Variants in PTPRR observed in about 807,000 individuals in gnomAD.
PTPRR encodes the protein protein tyrosine phosphatase receptor type R.
Under a neutral mutation model 77.2 loss-of-function variants are expected in PTPRR, and 38 were observed. That is an observed-to-expected ratio of 0.49 (90% CI 0.38 to 0.65). The LOEUF (loss-of-function observed/expected upper bound fraction) is 0.65. Among genes scored for constraint, PTPRR ranks in the 30% least tolerant of loss-of-function variants. The pLI, the probability that PTPRR is intolerant of heterozygous loss-of-function variation, is 0.00. For synonymous variants in PTPRR, 299 were observed against 283.1 expected (o/e 1.06, Z -0.57); for missense variants, 744 against 799.2 (o/e 0.93, Z 0.83).
intron 2 of PTPRR, among the ~76,000 whole-genome samples, chr12:70,812,648 G>T (rs572049632): frequency 3.6e-4 from 55 of 152,228 alleles, no homozygotes; most frequent in African/African-American, 1.3e-3. Flanking sequence ...TTTTCCCTTG[G>T]CAATCTGTCA....
At chr12:70,680,049 C>T (rs77296996) in intron 10 of PTPRR, among the ~76,000 whole-genome samples, 2 of 151,962 alleles carry the variant, frequency 1.3e-5, no homozygotes, top group Non-Finnish European at 2.9e-5. Context: ...ATTTGTGTAT[C>T]TGCTGTAATT....
intron 2 of PTPRR, among the ~76,000 whole-genome samples, chr12:70,887,769 A>T (rs1592815955): frequency 1.3e-5 from 2 of 151,958 alleles, no homozygotes; most frequent in South Asian, 4.2e-4. Flanking sequence ...GAGTGGTAGG[A>T]GATGGACTCA....
chr12:70,897,364 C>G (rs1188509202), intron 1 of PTPRR, among the ~76,000 whole-genome samples: 4 of 151,928 alleles, frequency 2.6e-5, no homozygotes, highest in African/African-American at 7.3e-5. Flanking sequence ...AGACACTTCT[C>G]AAAAGAAGAC....
At chr12:70,666,888 T>G (rs943943338) in intron 10 of PTPRR, among the ~76,000 whole-genome samples, 1 of 149,822 alleles carries the variant, frequency 6.7e-6, no homozygotes, top group African/African-American at 2.5e-5. Flanking sequence ...AAATACTTTT[T>G]TTATGATTCT....
At chr12:70,723,989 A>C (rs1889348789) in intron 6 of PTPRR, among the ~76,000 whole-genome samples, 1 of 152,248 alleles carries the variant, frequency 6.6e-6, no homozygotes. Context: ...AAACACACAA[A>C]AAAAGATACA....
chr12:70,647,004 T>C (rs950856088), intron 13 of PTPRR, among the ~76,000 whole-genome samples: 10 of 152,000 alleles, frequency 6.6e-5, no homozygotes, highest in African/African-American at 2.2e-4. Flanking sequence ...ATTTAAACAA[T>C]GATATGATGC....
chr12:70,744,734 T>C (rs1335801111), intron 6 of PTPRR, among the ~76,000 whole-genome samples: 2 of 152,160 alleles, frequency 1.3e-5, no homozygotes, highest in East Asian at 3.9e-4. Context: ...CAACAAAATA[T>C]ATGGGGTTAG....
chr12:70,768,253 T>C (rs1890877409), intron 2 of PTPRR, among the ~76,000 whole-genome samples: 1 of 152,052 alleles, frequency 6.6e-6, no homozygotes. Context: ...ATCAACAAAA[T>C]TGATAGACTG....
At chr12:70,892,625 A>C in intron 2 of PTPRR, 54 bp downstream of exon 2, 1 of 1,582,620 alleles carries the variant, frequency 6.3e-7, no homozygotes, top group Non-Finnish European at 8.6e-7. Context: ...TTCAAGCATC[A>C]ATGACAGGAA....
chr12:70,763,726 C>T lies in PTPRR; in HGVS notation c.471+939G>A, dbSNP rs184504922. On this transcript the variant is annotated intron_variant, in intron 3 of 13. Transcript: ENST00000283228. The stretch of plus-strand genomic sequence containing the variant: ...AACATGGAGTCCTTGCTTAGACTCC[C>T]ATTGCAGTGGACATTAAGAGCAATT... Among the ~76,000 whole-genome samples the T allele has an allele frequency of 1.9e-3, 297 of 152,310 alleles. 1 individual carries two copies. Among genetic ancestry groups the T allele is most frequent in the African/African-American group, 6.5e-3 (271 of 41,588 alleles).
chr12:70,828,257 A>G (rs186702948), intron 2 of PTPRR, among the ~76,000 whole-genome samples: 194 of 152,314 alleles, frequency 1.3e-3, no homozygotes, highest in Non-Finnish European at 2.0e-3. Flanking sequence ...ATTTGTCTCC[A>G]CATTCCTTTT....
rs574081747 is a variant in PTPRR, at chr12:70,812,480, A to T, written c.358-47702T>A. On this transcript the variant is annotated intron_variant, in intron 2 of 13. Transcript: ENST00000283228. Reference sequence around the variant, plus strand: ...AAAATCCACATGCCCACTCCATTTAATTCCTCAAGGAATAGGTTTATTTTC... The same window carrying T: ...AAAATCCACATGCCCACTCCATTTATTTCCTCAAGGAATAGGTTTATTTTC... Among the ~76,000 whole-genome samples the T allele has an allele frequency of 1.5e-3, 236 of 152,326 alleles. 1 individual carries two copies. Among genetic ancestry groups the T allele is most frequent in the African/African-American group, 5.5e-3 (230 of 41,570 alleles).
chr12:70,650,043 A>T (rs1886337859), intron 13 of PTPRR, among the ~76,000 whole-genome samples: 1 of 152,352 alleles, frequency 6.6e-6, no homozygotes, highest in East Asian at 1.9e-4. Context: ...AATAAATGTG[A>T]AAGAGTGCTT....
At chr12:70,655,188 C>T (rs1886532635) in intron 13 of PTPRR, among the ~76,000 whole-genome samples, 3 of 152,182 alleles carry the variant, frequency 2.0e-5, no homozygotes, top group African/African-American at 4.8e-5. Context: ...AAAAATGACT[C>T]TTCCATCTCA....
At chr12:70,723,612 T>C (rs578212332) in intron 6 of PTPRR, among the ~76,000 whole-genome samples, 8 of 152,280 alleles carry the variant, frequency 5.3e-5, no homozygotes, top group African/African-American at 1.9e-4. Flanking sequence ...TACACACAGA[T>C]TAAATATTAC....
chr12:70,783,801 C>A (rs1891254748), intron 2 of PTPRR, among the ~76,000 whole-genome samples: 1 of 146,486 alleles, frequency 6.8e-6, no homozygotes, highest in East Asian at 2.1e-4. Context: ...CCTTAGTCCC[C>A]TTTTAGCTTC....
chr12:70,737,224 C>A (rs926470902), intron 6 of PTPRR, among the ~76,000 whole-genome samples: 1 of 152,154 alleles, frequency 6.6e-6, no homozygotes, highest in South Asian at 2.1e-4. Flanking sequence ...GCTCAGAGAT[C>A]CCTGTGCAAT....
intron 2 of PTPRR, among the ~76,000 whole-genome samples, chr12:70,769,977 T>G (rs1270102971): frequency 9.9e-5 from 15 of 150,794 alleles, no homozygotes; most frequent in South Asian, 6.3e-4. Flanking sequence ...TGAAACTGGA[T>G]CCCTTCCTTA....
At chr12:70,886,250 C>G (rs1454946799) in intron 2 of PTPRR, among the ~76,000 whole-genome samples, 1 of 152,150 alleles carries the variant, frequency 6.6e-6, no homozygotes, top group Non-Finnish European at 1.5e-5. Context: ...GACTATTTTG[C>G]AAGGATACAG....
Sources: allele counts gnomAD v4.1 joint callset (sites outside exome capture counted in the v4.1 genomes callset), GRCh38; gene constraint gnomAD v4.1.1; transcripts MANE v1.5; gene names NCBI Gene and HGNC (gene_info 2026-07-23, HGNC 2026-07-21).